TMOD3: variants seen among roughly 807,000 people sequenced by gnomAD.
TMOD3 encodes tropomodulin-3.
Under a neutral mutation model 39.2 loss-of-function variants are expected in TMOD3, and 20 were observed. The ratio of observed to expected loss-of-function variants is 0.51; its 90% CI spans 0.36 to 0.74. TMOD3 has a LOEUF of 0.74. TMOD3 is among the 30% of genes least tolerant of loss of function. TMOD3 has a pLI of 0.00. For synonymous variants in TMOD3, 143 were observed against 145.8 expected, an observed-to-expected ratio of 0.98 and a Z score of 0.14; for missense variants, 381 against 412.8, an observed-to-expected ratio of 0.92 and a Z score of 0.67.
chr15:51,843,005 C>T (rs1461462431), intron 1 of TMOD3, among the ~76,000 whole-genome samples: 4 of 152,178 alleles, frequency 2.6e-5, no homozygotes, highest in South Asian at 4.1e-4. Flanking sequence ...AAGAGTGAGG[C>T]ATGGTCCATT....
intron 3 of TMOD3, among the ~76,000 whole-genome samples, chr15:51,875,988 T>TACC (rs2056501088): frequency 6.6e-6 from 1 of 152,222 alleles, no homozygotes; most frequent in Non-Finnish European, 1.5e-5. Context: ...TTTAGGATTG[T>TACC]TATGTCCCCT....
chr15:51,892,027 G>A (rs1171569694), intron 5 of TMOD3, among the ~76,000 whole-genome samples: 2 of 152,142 alleles, frequency 1.3e-5, no homozygotes, highest in Non-Finnish European at 2.9e-5. Flanking sequence ...CTGACCTCGG[G>A]AAAGTAATTT....
chr15:51,879,860 A>ACACACT (rs1299613409), intron 3 of TMOD3, among the ~76,000 whole-genome samples: 1 of 147,198 alleles, frequency 6.8e-6, no homozygotes, highest in Non-Finnish European at 1.5e-5. Flanking sequence ...TGTCTTTCAC[A>ACACACT]CACACACACA....
At chr15:51,857,163 C>T (rs12915568) in intron 1 of TMOD3, among the ~76,000 whole-genome samples, 55,817 of 151,970 alleles carry the variant, frequency 0.37, 10,610 homozygotes, top group Admixed American at 0.43. Context: ...GTTTACGTAA[C>T]ATGCAAGAAA....
At chr15:51,860,025 T>C in intron 1 of TMOD3, 1 of 536,772 alleles carries the variant, frequency 1.9e-6, no homozygotes, top group South Asian at 1.4e-5. Context: ...CTTGGCAGAG[T>C]CTTCACTGCC....
At chr15:51,893,192 G>T (rs1216314136) in intron 5 of TMOD3, among the ~76,000 whole-genome samples, 1 of 149,988 alleles carries the variant, frequency 6.7e-6, no homozygotes. Context: ...CTACTTGGGA[G>T]GCTGAGGCAG....
chr15:51,831,640 T>C (rs573188157), intron 1 of TMOD3, among the ~76,000 whole-genome samples: 3 of 152,372 alleles, frequency 2.0e-5, no homozygotes, highest in Admixed American at 6.5e-5. Flanking sequence ...TCTCAGTTTT[T>C]TAAAATACTG....
intron 1 of TMOD3, chr15:51,860,673 T>C (rs539519382): frequency 7.8e-5 from 38 of 489,056 alleles, no homozygotes; most frequent in Middle Eastern, 6.9e-4. Flanking sequence ...CGGTGGCTCA[T>C]GCCTGTAGTC....
At position 51,902,642 on chromosome 15, in the gene TMOD3, GTA is replaced by G. The variant is rs1491044555; in HGVS notation, c.1024+608_1024+609del. On this transcript the variant is annotated intron_variant, in intron 9 of 9. Coordinates refer to ENST00000308580, the MANE Select transcript of TMOD3 (RefSeq NM_014547.5). The stretch of plus-strand genomic sequence containing the variant: ...TGCGCGCCGTGCCCAGCTAATTTTT[GTA>G]TTTTTTTTTTTTTTTTTTTTTTTGA... Among the ~76,000 whole-genome samples the G allele has an allele frequency of 2.1e-3, 134 of 63,332 alleles. 2 individuals carry two copies. Among genetic ancestry groups the G allele is most frequent in the Middle Eastern group, 0.019 (2 of 104 alleles). The allele number at this position is 63,332 out of a possible 152,430, so 41.5% of individuals were successfully genotyped here.
rs191797969 is a variant in TMOD3 at position 51,887,801 on chromosome 15, C to G, written c.406+90C>G. ...CCTATATACATTATACAAACGTTTG[C>G]TTTACCTAGCAAGTACTGTTAAATC... On this transcript the variant is annotated intron_variant, in intron 4 of 9. Coordinates refer to ENST00000308580, the MANE Select transcript of TMOD3 (RefSeq NM_014547.5). 5.7e-4 allele frequency: 859 copies of G among 1,511,434 alleles called. 1 individual carries two copies. Among genetic ancestry groups the G allele is most frequent in the Middle Eastern group, 5.7e-3 (33 of 5,830 alleles). 93.6% of individuals were successfully genotyped at this position (1,511,434 alleles called of 1,614,324 possible). A position where few individuals can be genotyped will look rare whatever the true frequency, so the allele number is the denominator to read the frequency against.
intron 3 of TMOD3, among the ~76,000 whole-genome samples, chr15:51,881,772 C>T (rs1039545919): frequency 2.6e-5 from 4 of 151,692 alleles, no homozygotes; most frequent in African/African-American, 9.7e-5. Flanking sequence ...CCATGTTGGT[C>T]AGGCTGGCCT....
chr15:51,860,820 C>T, intron 1 of TMOD3: 1 of 366,274 alleles, frequency 2.7e-6, no homozygotes, highest in Non-Finnish European at 5.3e-6. Context: ...CCTGTGGTCC[C>T]AGCCACTCAG....
intron 1 of TMOD3, among the ~76,000 whole-genome samples, chr15:51,835,329 G>A (rs145362206): frequency 3.9e-5 from 6 of 152,224 alleles, no homozygotes; most frequent in South Asian, 2.1e-4. Context: ...TTGAGACAAG[G>A]TCTCAATTTG....
Position 51,913,929 on chromosome 15 carries a change from C to T in TMOD3, c.*5119C>T, listed in dbSNP as rs1258671955. 1 of 148,836 alleles carries T rather than the reference C, an allele frequency of 6.7e-6. No homozygotes were observed. Among genetic ancestry groups the T allele is most frequent in the Non-Finnish European group, 1.5e-5 (1 of 67,640 alleles). 9.2% of individuals were successfully genotyped at this position (148,836 alleles called of 1,614,324 possible). On this transcript the variant is annotated 3_prime_UTR_variant, in exon 10 of 10. Transcript: ENST00000308580. ...TCGGAAGACTGAGGCAGCAGAACCGCTTGAGCCTAGGAGGTGGAGGTTGCA... is the reference window on the plus strand; with the variant it reads ...TCGGAAGACTGAGGCAGCAGAACCGTTTGAGCCTAGGAGGTGGAGGTTGCA...
chr15:51,846,879 C>T (rs1223367762), intron 1 of TMOD3, among the ~76,000 whole-genome samples: 1 of 152,038 alleles, frequency 6.6e-6, no homozygotes, highest in Non-Finnish European at 1.5e-5. Flanking sequence ...AACAAACAAA[C>T]CAAAAAATTA....
At chr15:51,891,436 A>C (rs1362130548) in intron 5 of TMOD3, among the ~76,000 whole-genome samples, 1 of 152,112 alleles carries the variant, frequency 6.6e-6, no homozygotes, top group Non-Finnish European at 1.5e-5. Flanking sequence ...TTTTGGCAAG[A>C]ATGCTTCATG....
intron 1 of TMOD3, among the ~76,000 whole-genome samples, chr15:51,853,790 TA>T (rs74342679): frequency 0.011 from 1,357 of 126,514 alleles, 7 homozygotes; most frequent in Admixed American, 0.014. Context: ...CACTGTCTCT[TA>T]AAAAAAAAAA....
rs1595902390 is a variant in TMOD3, at chr15:51,877,798, G to A, written c.283+8425G>A. The stretch of plus-strand genomic sequence containing the variant: ...AGTTCCCTACCCAATTGTGAGCCTT[G>A]TGAATTGTGAGCTTTTCCAGTCTGG... On this transcript the variant is annotated intron_variant, in intron 3 of 9. Transcript: ENST00000308580. Among the ~76,000 whole-genome samples the A allele has an allele frequency of 1.3e-5, 2 of 152,238 alleles. 1 individual carries two copies.
At chr15:51,872,341 C>T (rs1377301770) in intron 3 of TMOD3, among the ~76,000 whole-genome samples, 2 of 151,862 alleles carry the variant, frequency 1.3e-5, no homozygotes, top group Admixed American at 6.6e-5. Context: ...TGCAGTGAGC[C>T]GAGGTTGCTC....
Sources: allele counts gnomAD v4.1 joint callset (sites outside exome capture counted in the v4.1 genomes callset), GRCh38; gene constraint gnomAD v4.1.1; transcripts MANE v1.5; gene names NCBI Gene and HGNC (gene_info 2026-07-23, HGNC 2026-07-21).